ANK3: variants seen among roughly 807,000 people sequenced by gnomAD.
ANK3 encodes ankyrin-3.
ANK3 carries 57 observed loss-of-function variants against 370.9 expected under a neutral mutation model. The ratio of observed to expected loss-of-function variants is 0.15; its 90% CI spans 0.12 to 0.19. ANK3 has a LOEUF of 0.19. ANK3 is among the 10% of genes least tolerant of loss of function. ANK3 has a pLI of 1.00. For synonymous variants in ANK3, 1,929 were observed against 1,946.3 expected, an observed-to-expected ratio of 0.99 and a Z score of 0.23; for missense variants, 4,439 against 5,302.1, an observed-to-expected ratio of 0.84 and a Z score of 5.06.
In ANK3 at chr10:60,546,729, ACATTAAAACAATAATTT is replaced by A. The variant is rs1181777122; in HGVS notation, c.96+68440_96+68456del. Among the ~76,000 whole-genome samples, 7 of 152,346 alleles carry A rather than the reference ACATTAAAACAATAATTT, an allele frequency of 4.6e-5. No individual in the cohort carries two copies. In the East Asian group the frequency reaches 1.3e-3, roughly 29 times the overall value. On this transcript the variant is annotated intron_variant, in intron 2 of 43. Transcript: ENST00000373827. ...TACACACAGAGGAAAAACAATAATT[ACATTAAAACAATAATTT>A]CATTAAAAATGAAACCATATTTAAT...
chr10:60,213,402 A>G lies in ANK3; in HGVS notation c.996+10T>C, dbSNP rs1243663301. 1.2e-6 allele frequency: 2 copies of G among 1,603,996 alleles called. No homozygotes were observed. The highest frequency in any genetic ancestry group is 1.7e-6 in the Non-Finnish European group (2 of 1,172,148). Reference sequence around the variant, plus strand: ...ACAGTCCAATGTCCAGAAACCTGAAAAGAAATTACCTTGGTTTTTGAAAGA... The same window carrying G: ...ACAGTCCAATGTCCAGAAACCTGAAGAGAAATTACCTTGGTTTTTGAAAGA... On this transcript the variant is annotated intron_variant, in intron 9 of 43. Coordinates refer to ENST00000280772, the MANE Select transcript of ANK3 (RefSeq NM_020987.5).
chr10:60,366,158 T>C (rs2132760893), intron 1 of ANK3, among the ~76,000 whole-genome samples: 1 of 151,954 alleles, frequency 6.6e-6, no homozygotes, highest in Non-Finnish European at 1.5e-5. Context: ...GTCAACATGG[T>C]GAAATCCCGT....
intron 25 of ANK3, among the ~76,000 whole-genome samples, chr10:60,127,730 G>T (rs1437641477): frequency 1.5e-5 from 2 of 132,002 alleles, no homozygotes; most frequent in African/African-American, 6.0e-5. Context: ...ACAGAGTCTC[G>T]CTCTGTCTCC....
At chr10:60,159,233 G>GGGATGGAAAAA (rs55903019) in intron 23 of ANK3, among the ~76,000 whole-genome samples, 99,269 of 151,640 alleles carry the variant, frequency 0.65, 32,745 homozygotes, top group African/African-American at 0.73. Context: ...CTAAAATAAA[G>GGGATGGAAAAA]GATATTCCAT....
At chr10:60,331,187 G>A (rs2051188901) in intron 1 of ANK3, among the ~76,000 whole-genome samples, 2 of 152,026 alleles carry the variant, frequency 1.3e-5, no homozygotes, top group African/African-American at 2.4e-5. Flanking sequence ...GATGGGTGCA[G>A]CAAACCACCA....
intron 2 of ANK3, among the ~76,000 whole-genome samples, chr10:60,529,321 T>C (rs2076550316): frequency 1.3e-5 from 2 of 152,128 alleles, no homozygotes; most frequent in African/African-American, 4.8e-5. Flanking sequence ...GATCACAAAA[T>C]GTTCTCAAAT....
chr10:60,632,897 AAAAAAC>A (rs1567191126), intron 1 of ANK3, among the ~76,000 whole-genome samples: 3 of 82,876 alleles, frequency 3.6e-5, no homozygotes, highest in African/African-American at 1.1e-4. Context: ...ACAAAAAAAT[AAAAAAC>A]AAAAAAAAAA....
chr10:60,252,391 T>G (rs1403752927), intron 7 of ANK3, among the ~76,000 whole-genome samples: 3 of 152,212 alleles, frequency 2.0e-5, no homozygotes, highest in African/African-American at 7.2e-5. Context: ...CCCTAGCTGT[T>G]ATTTTCACTG....
chr10:60,672,652 T>C (rs1002964410), intron 1 of ANK3, among the ~76,000 whole-genome samples: 1 of 152,150 alleles, frequency 6.6e-6, no homozygotes, highest in Non-Finnish European at 1.5e-5. Flanking sequence ...AATAAACCAG[T>C]AGATGTGTTT....
intron 8 of ANK3, among the ~76,000 whole-genome samples, chr10:60,232,324 C>A (rs926213480): frequency 2.6e-5 from 4 of 151,542 alleles, no homozygotes; most frequent in African/African-American, 9.7e-5. Flanking sequence ...GTCTTGGTAA[C>A]CCTCATTTCC....
chr10:60,322,074 T>C (rs1043277391), intron 1 of ANK3, among the ~76,000 whole-genome samples: 3 of 152,198 alleles, frequency 2.0e-5, no homozygotes, highest in Non-Finnish European at 4.4e-5. Flanking sequence ...AGGATTATTT[T>C]CTAGTTGTAT....
intron 21 of ANK3, among the ~76,000 whole-genome samples, chr10:60,167,929 T>C (rs903603942): frequency 3.3e-5 from 5 of 152,232 alleles, no homozygotes; most frequent in Non-Finnish European, 5.9e-5. Context: ...CTTTTATTTT[T>C]AGAAGAGGTT....
At chr10:60,220,424 CCCT>C (rs2097027624) in intron 8 of ANK3, among the ~76,000 whole-genome samples, 2 of 152,170 alleles carry the variant, frequency 1.3e-5, no homozygotes, top group South Asian at 4.1e-4. Flanking sequence ...CCTCATTCTG[CCCT>C]CCTCCTTTTC....
At chr10:60,481,810 G>A (rs754181996) in intron 2 of ANK3, among the ~76,000 whole-genome samples, 5 of 152,112 alleles carry the variant, frequency 3.3e-5, no homozygotes, top group Non-Finnish European at 4.4e-5. Flanking sequence ...AGCAAAAGCC[G>A]TCATACCATA....
chr10:60,248,790 GCTGT>G (rs896196533), intron 7 of ANK3, among the ~76,000 whole-genome samples: 1 of 152,226 alleles, frequency 6.6e-6, no homozygotes, highest in Non-Finnish European at 1.5e-5. Context: ...TTGACCCTGA[GCTGT>G]CTGATTCCCA....
rs779065530 is a variant in ANK3 at position 60,173,015 on chromosome 10, G to A, written c.2284-17C>T. On this transcript the variant is annotated splice_polypyrimidine_tract_variant and intron_variant, in intron 19 of 43. Coordinates refer to ENST00000280772, the MANE Select transcript of ANK3 (RefSeq NM_020987.5). ...ATACCCATTCTGTAGAAGGAAGATG[G>A]AAGAGATGATTCTTAATTCCTTTGA... 4.4e-6 allele frequency: 7 copies of A among 1,609,166 alleles called. No homozygotes were observed. The highest frequency in any genetic ancestry group is 6.0e-6 in the Non-Finnish European group (7 of 1,175,744).
chr10:60,424,550 T>G (rs991695781), intron 2 of ANK3, among the ~76,000 whole-genome samples: 2 of 152,050 alleles, frequency 1.3e-5, no homozygotes, highest in African/African-American at 4.8e-5. Flanking sequence ...ATGCTTGGGT[T>G]CAGGAAATAA....
At chr10:60,682,993 G>T (rs181728374) in intron 1 of ANK3, among the ~76,000 whole-genome samples, 2 of 152,198 alleles carry the variant, frequency 1.3e-5, no homozygotes, top group Admixed American at 1.3e-4. Flanking sequence ...AGGAAGGGGT[G>T]GTCTTGTGGG....
At chr10:60,058,464 A>G (rs1417631059) in intron 41 of ANK3, among the ~76,000 whole-genome samples, 1 of 152,212 alleles carries the variant, frequency 6.6e-6, no homozygotes, top group Non-Finnish European at 1.5e-5. Context: ...GTATCTTTCA[A>G]ATTATGAAAA....
Sources: allele counts gnomAD v4.1 joint callset (sites outside exome capture counted in the v4.1 genomes callset), GRCh38; gene constraint gnomAD v4.1.1; transcripts MANE v1.5; gene names NCBI Gene and HGNC (gene_info 2026-07-23, HGNC 2026-07-21).